Variants in ALK observed in about 807,000 individuals in gnomAD.
ALK encodes the protein ALK tyrosine kinase receptor.
In ALK, 74 loss-of-function variants were observed where a neutral mutation model predicts 163.1. The ratio of observed to expected loss-of-function variants is 0.45; its 90% CI spans 0.38 to 0.55. The LOEUF is 0.55. Among genes scored for constraint, ALK ranks in the 20% least tolerant of loss-of-function variants. ALK has a pLI of 0.00. For missense variants in ALK, 2,063 were observed against 2,105.3 expected, an observed-to-expected ratio of 0.98 and a Z score of 0.39; for synonymous variants, 960 against 843.2, an observed-to-expected ratio of 1.14 and a Z score of -2.40.
chr2:29,271,547 C>G (rs1665385365), intron 11 of ALK, among the ~76,000 whole-genome samples: 1 of 152,192 alleles, frequency 6.6e-6, no homozygotes, highest in African/African-American at 2.4e-5. Context: ...GGGACTTGGA[C>G]ACTGTCTACT....
intron 15 of ALK, among the ~76,000 whole-genome samples, chr2:29,230,843 G>A (rs536498894): frequency 1.7e-3 from 255 of 152,194 alleles, no homozygotes; most frequent in African/African-American, 5.9e-3. Flanking sequence ...AGTTGGCGCT[G>A]GTGTTTGTGC....
intron 1 of ALK, among the ~76,000 whole-genome samples, chr2:29,855,874 A>C (rs1001537462): frequency 6.6e-6 from 1 of 152,218 alleles, no homozygotes; most frequent in Non-Finnish European, 1.5e-5. Flanking sequence ...ATGTCTATAG[A>C]ATCATCAAAT....
chr2:29,549,816 T>A (rs977925987), intron 3 of ALK, among the ~76,000 whole-genome samples: 1 of 152,148 alleles, frequency 6.6e-6, no homozygotes, highest in Non-Finnish European at 1.5e-5. Flanking sequence ...CAAGTCAAAA[T>A]GAAAATATTG....
chr2:29,867,438 C>T lies in ALK; in HGVS notation c.667+52555G>A, dbSNP rs960881710. ...ATTTCTGGGAGGCAATTTGATCAAACGACAAGGTTCACTTGTCCCAAAAGG... is the reference window on the plus strand; with the variant it reads ...ATTTCTGGGAGGCAATTTGATCAAATGACAAGGTTCACTTGTCCCAAAAGG... On this transcript the variant is annotated intron_variant, in intron 1 of 28. Transcript: ENST00000389048. Among the ~76,000 whole-genome samples, 7 of 152,106 alleles carry T rather than the reference C, an allele frequency of 4.6e-5. No homozygotes were observed. In the East Asian group the frequency reaches 5.8e-4, roughly 13 times the overall value.
chr2:29,861,039 G>A (rs1248314813), intron 1 of ALK, among the ~76,000 whole-genome samples: 1 of 152,104 alleles, frequency 6.6e-6, no homozygotes, highest in Non-Finnish European at 1.5e-5. Flanking sequence ...GGGTATGGTG[G>A]CATGTGCCTG....
At chr2:29,657,544 G>A (rs1450901885) in intron 3 of ALK, among the ~76,000 whole-genome samples, 1 of 152,164 alleles carries the variant, frequency 6.6e-6, no homozygotes, top group Non-Finnish European at 1.5e-5. Flanking sequence ...TGGACATAGA[G>A]TGATCATGTT....
At chr2:29,627,624 T>C (rs1166677320) in intron 3 of ALK, among the ~76,000 whole-genome samples, 1 of 152,174 alleles carries the variant, frequency 6.6e-6, no homozygotes, top group Non-Finnish European at 1.5e-5. Flanking sequence ...GTGAGTCATG[T>C]CTTGTTTGTT....
At chr2:29,726,756 A>AG (rs1679587983) in intron 1 of ALK, among the ~76,000 whole-genome samples, 1 of 152,204 alleles carries the variant, frequency 6.6e-6, no homozygotes, top group African/African-American at 2.4e-5. Context: ...ACCATGACTT[A>AG]GGGCTCCCTG....
intron 1 of ALK, among the ~76,000 whole-genome samples, chr2:29,843,708 T>G (rs1360296842): frequency 6.6e-6 from 1 of 152,126 alleles, no homozygotes; most frequent in Non-Finnish European, 1.5e-5. Flanking sequence ...GTCAGTAAAA[T>G]GGATGCAAGC....
At chr2:29,205,436 A>C (rs938181216) in intron 26 of ALK, among the ~76,000 whole-genome samples, 8 of 152,196 alleles carry the variant, frequency 5.3e-5, no homozygotes, top group Non-Finnish European at 8.8e-5. Flanking sequence ...AACCAACCAA[A>C]CAACCACATG....
At chr2:29,399,786 G>A (rs1669398270) in intron 4 of ALK, among the ~76,000 whole-genome samples, 1 of 152,116 alleles carries the variant, frequency 6.6e-6, no homozygotes, top group African/African-American at 2.4e-5. Context: ...ACCGGACCTG[G>A]GAGTCTCCTT....
chr2:29,768,147 C>G (rs977595647), intron 1 of ALK, among the ~76,000 whole-genome samples: 1 of 152,154 alleles, frequency 6.6e-6, no homozygotes, highest in African/African-American at 2.4e-5. Context: ...GTGGCCACGT[C>G]GCTGGCTCTG....
intron 5 of ALK, among the ~76,000 whole-genome samples, chr2:29,353,003 CCTT>C (rs67749915): frequency 0.091 from 13,819 of 152,270 alleles, 775 homozygotes; most frequent in African/African-American, 0.16. Context: ...AAACAAACCT[CCTT>C]CTTGCCTGGG....
chr2:29,509,249 C>T lies in ALK; in HGVS notation c.1154+22666G>A, dbSNP rs372905371. Among the ~76,000 whole-genome samples, 139 of 152,240 alleles carry T rather than the reference C, an allele frequency of 9.1e-4. 3 individuals are homozygous for T. The Middle Eastern group carries it at 0.017, about 19-fold the overall frequency. On this transcript the variant is annotated intron_variant, in intron 4 of 28. Transcript: ENST00000389048. ...TGACCTTTTTCAGCATTATTGATTT[C>T]GGCTTCATCTCTCACAGAAGCATCC...
chr2:29,208,520 C>T (rs1438968857), intron 25 of ALK, among the ~76,000 whole-genome samples: 1 of 152,050 alleles, frequency 6.6e-6, no homozygotes, highest in African/African-American at 2.4e-5. Context: ...TGTTAGAAGG[C>T]GAAGTGGAGC....
chr2:29,250,178 T>C (rs1461457033), intron 12 of ALK, among the ~76,000 whole-genome samples: 6 of 152,200 alleles, frequency 3.9e-5, no homozygotes, highest in Admixed American at 3.9e-4. Flanking sequence ...CCTTTTAACC[T>C]GCCCTGCCAT....
At chr2:29,315,544 C>G (rs554279584) in intron 8 of ALK, among the ~76,000 whole-genome samples, 4 of 152,154 alleles carry the variant, frequency 2.6e-5, no homozygotes. Context: ...AGCACACCTA[C>G]GGCCAATAGC....
At chr2:29,776,565 A>G (rs140101107) in intron 1 of ALK, among the ~76,000 whole-genome samples, 44 of 152,298 alleles carry the variant, frequency 2.9e-4, no homozygotes, top group Admixed American at 2.4e-3. Context: ...ATGTATAGTT[A>G]GCTTATTTCA....
chr2:29,788,456 G>T (rs1189437139), intron 1 of ALK, among the ~76,000 whole-genome samples: 1 of 152,166 alleles, frequency 6.6e-6, no homozygotes, highest in Non-Finnish European at 1.5e-5. Flanking sequence ...TTCCATTTCT[G>T]TTGCTTGCAC....
Sources: allele counts gnomAD v4.1 joint callset (sites outside exome capture counted in the v4.1 genomes callset), GRCh38; gene constraint gnomAD v4.1.1; transcripts MANE v1.5; gene names NCBI Gene and HGNC (gene_info 2026-07-23, HGNC 2026-07-21).